Variants in UBAP1L observed in about 807,000 individuals in gnomAD.
The protein encoded by UBAP1L is ubiquitin associated protein 1 like.
UBAP1L carries 32 observed loss-of-function variants against 32.1 expected under a neutral mutation model. The ratio of observed to expected loss-of-function variants is 1.00; its 90% confidence interval spans 0.75 to 1.34. The LOEUF (loss-of-function observed/expected upper bound fraction) is 1.34. Ranked by LOEUF, UBAP1L falls within the 40% of genes most tolerant of loss-of-function variation. UBAP1L has a pLI of 0.00. For synonymous variants in UBAP1L, 243 were observed against 250.2 expected, an observed-to-expected ratio of 0.97 and a Z score of 0.27; for missense variants, 516 against 540.5, an observed-to-expected ratio of 0.95 and a Z score of 0.45.
chr15:65,099,734 G>C lies in UBAP1L; in HGVS notation c.700-20C>G. On this transcript the variant is annotated intron_variant, in intron 3 of 5. Coordinates refer to ENST00000559089, the MANE Select transcript of UBAP1L (RefSeq NM_001163692.2). ...GAGGGACTGAAATACAGACAGACTG[G>C]ACATGTCAGTTACTACAGGAAGTGA... 1 of 1,531,866 alleles carries C rather than the reference G, an allele frequency of 6.5e-7. No individual in the cohort carries two copies. Among genetic ancestry groups the C allele is most frequent in the Non-Finnish European group, 8.8e-7 (1 of 1,133,886 alleles). 94.9% of individuals were successfully genotyped at this position (1,531,866 alleles called of 1,614,324 possible).
Position 65,109,724 on chromosome 15 carries a change from T to A in UBAP1L, c.-173-3336A>T, listed in dbSNP as rs2087355718. ...AGCCAATATGATAAGTTGTTTAACT[T>A]CATTAGTCATCAGGGGAATGCAAAA... On this transcript the variant is annotated intron_variant, in intron 1 of 5. Transcript: ENST00000559089. 2.0e-5 allele frequency among the ~76,000 whole-genome samples: 3 copies of A among 152,198 alleles called. No homozygotes were observed. The South Asian group carries it at 6.2e-4, about 32-fold the overall frequency.
intron 1 of UBAP1L, among the ~76,000 whole-genome samples, chr15:65,110,889 C>G (rs766488161): frequency 6.6e-6 from 1 of 152,028 alleles, no homozygotes; most frequent in Non-Finnish European, 1.5e-5. Flanking sequence ...GCCAGGATGA[C>G]GCAAAGCTCT....
chr15:65,099,825 G>T, intron 3 of UBAP1L, 111 bp from the exon 4 acceptor site: 1 of 902,798 alleles, frequency 1.1e-6, no homozygotes, highest in Non-Finnish European at 1.7e-6. Flanking sequence ...GAGTGTAGGG[G>T]CTAATATTAT....
At chr15:65,106,436 A>G (rs2087313015) in intron 1 of UBAP1L, 48 bp from the exon 2 acceptor site, 1 of 466,440 alleles carries the variant, frequency 2.1e-6, no homozygotes, top group South Asian at 4.0e-5. Flanking sequence ...TCACACGGAC[A>G]GAAATTCACT....
chr15:65,102,161 C>A lies in UBAP1L; in HGVS notation c.644G>T (p.Arg215Leu), dbSNP rs2087247437. The A allele has an allele frequency of 3.3e-6, 4 of 1,199,764 alleles. No individual in the cohort carries two copies. The highest frequency in any genetic ancestry group is 4.1e-6 in the Non-Finnish European group (4 of 966,588). 74.3% of individuals were successfully genotyped at this position (1,199,764 alleles called of 1,614,324 possible). A position where few individuals can be genotyped will look rare whatever the true frequency, so the allele number is the denominator to read the frequency against. The change falls in exon 3 of 6, where the codon CGG (arginine) becomes CTG (leucine). Residue 215 changes from arginine (R) to leucine (L), a missense_variant. Physicochemically the swap from Arg to Leu is moderately radical, Grantham distance 102 (BLOSUM62 -2). Transcript: ENST00000559089. The surrounding 1 kb of genome is among the most constrained non-coding windows in gnomAD (Gnocchi z 5.0). ...QHPAAPASPP[R>L]PSTAGAIPPL... The stretch of plus-strand genomic sequence containing the variant: ...GGGGATGGCGCCTGCCGTGGAGGGC[C>A]GCGGGGGCGACGCGGGGGCGGCGGG...
chr15:65,094,582 C>G lies in UBAP1L; in HGVS notation c.910-6G>C. 6.5e-7 allele frequency: 1 copy of G among 1,550,378 alleles called. No homozygotes were observed. Among genetic ancestry groups the G allele is most frequent in the South Asian group, 1.2e-5 (1 of 84,054 alleles). ...GCACTGAGGTAGCTGAGAAACTGGG[C>G]CGGAAGCGGGCAGAGAGGGAGGGAG... On this transcript the variant is annotated splice_polypyrimidine_tract_variant and splice_region_variant and intron_variant, in intron 4 of 5. Coordinates refer to ENST00000559089, the MANE Select transcript of UBAP1L (RefSeq NM_001163692.2). The surrounding 1 kb of genome is among the most constrained non-coding windows in gnomAD (Gnocchi z 4.2).
At chr15:65,101,635 C>T (rs1465768226) in intron 3 of UBAP1L, 2 of 152,594 alleles carry the variant, frequency 1.3e-5, no homozygotes, top group African/African-American at 2.4e-5. Flanking sequence ...CTTGATTGAG[C>T]CTCCAGCTCC....
chr15:65,104,199 C>G (rs1442915057), intron 2 of UBAP1L, among the ~76,000 whole-genome samples: 2 of 151,406 alleles, frequency 1.3e-5, no homozygotes, highest in East Asian at 3.9e-4. Flanking sequence ...TTGCAATGTG[C>G]CAAGATTGCA....
chr15:65,101,492 T>TCCCTCAACACCTGATCCC (rs1366305683), intron 3 of UBAP1L: 1 of 152,294 alleles, frequency 6.6e-6, no homozygotes, highest in Non-Finnish European at 1.5e-5. Flanking sequence ...GCCCTGACGC[T>TCCCTCAACACCTGATCCC]CCCTCAACAC....
Position 65,094,646 on chromosome 15 carries a change from G to A in UBAP1L, c.910-70C>T. The A allele has an allele frequency of 8.6e-7, 1 of 1,158,468 alleles. No individual in the cohort carries two copies. The highest frequency in any genetic ancestry group is 2.6e-5 in the East Asian group (1 of 39,124). The allele number at this position is 1,158,468 out of a possible 1,614,324, so 71.8% of individuals were successfully genotyped here. On this transcript the variant is annotated intron_variant, in intron 4 of 5. Transcript: ENST00000559089. This position sits in a 1 kb window ranked among gnomAD's most constrained non-coding sequence, Gnocchi z 4.2. ...GCCGGGGCAGCAGACAGGGCAGAGAGGCACTCCAAGGGCCTGAGCTGAGGG... is the reference window on the plus strand; with the variant it reads ...GCCGGGGCAGCAGACAGGGCAGAGAAGCACTCCAAGGGCCTGAGCTGAGGG...
intron 1 of UBAP1L, among the ~76,000 whole-genome samples, chr15:65,113,500 C>T (rs1303700628): frequency 6.6e-6 from 1 of 152,192 alleles, no homozygotes; most frequent in East Asian, 1.9e-4. Flanking sequence ...GTAATCCCAG[C>T]ACTTTGGGAG....
intron 4 of UBAP1L, chr15:65,096,098 G>C (rs756975279): frequency 1.3e-5 from 2 of 152,236 alleles, no homozygotes; most frequent in Non-Finnish European, 2.9e-5. Flanking sequence ...GCTTTTAGCT[G>C]TCTTGGTGGA....
chr15:65,094,332 G>A lies in UBAP1L; in HGVS notation c.1011+143C>T, dbSNP rs1181828704. The A allele has an allele frequency of 4.9e-6, 3 of 606,548 alleles. No individual in the cohort carries two copies. The highest frequency in any genetic ancestry group is 3.7e-5 in the African/African-American group (2 of 53,876). 37.6% of individuals were successfully genotyped at this position (606,548 alleles called of 1,614,324 possible). On this transcript the variant is annotated intron_variant, in intron 5 of 5. Transcript: ENST00000559089. This position sits in a 1 kb window ranked among gnomAD's most constrained non-coding sequence, Gnocchi z 4.2. ...CCTGGGCCATCTCCTCCTCAGAGCT[G>A]AGGAGTCAGGCAATCTCCCGACAGA... is the stretch of plus-strand genomic sequence containing the variant.
chr15:65,114,428 T>C (rs2087390023), intron 1 of UBAP1L, among the ~76,000 whole-genome samples: 1 of 152,196 alleles, frequency 6.6e-6, no homozygotes. Flanking sequence ...CCTCATTGCC[T>C]GTATTCTGTA....
chr15:65,110,461 T>C (rs974527818), intron 1 of UBAP1L, among the ~76,000 whole-genome samples: 1 of 149,398 alleles, frequency 6.7e-6, no homozygotes, highest in African/African-American at 2.5e-5. Flanking sequence ...GTGGATCACC[T>C]GAGGTCAGGA....
At position 65,099,400 on chromosome 15, in the gene UBAP1L, T is replaced by C; in HGVS notation, c.909+105A>G. The C allele has an allele frequency of 8.2e-6, 10 of 1,225,358 alleles. No homozygotes were observed. The East Asian group carries it at 1.0e-4, about 13-fold the overall frequency. The allele number at this position is 1,225,358 out of a possible 1,614,324, so 75.9% of individuals were successfully genotyped here. On this transcript the variant is annotated intron_variant, in intron 4 of 5. Coordinates refer to ENST00000559089, the MANE Select transcript of UBAP1L (RefSeq NM_001163692.2). ...GATGCTCCAGAGCTGTGGGGTTGGC[T>C]GATGCTGTTGTTGGGCCTATGTCAC...
chr15:65,112,384 T>C (rs555054819), intron 1 of UBAP1L, among the ~76,000 whole-genome samples: 3 of 151,942 alleles, frequency 2.0e-5, no homozygotes, highest in African/African-American at 7.2e-5. Flanking sequence ...AGGCCTGAGG[T>C]GGTGGAATGG....
At chr15:65,114,656 C>T (rs1305304737) in intron 1 of UBAP1L, among the ~76,000 whole-genome samples, 1 of 152,178 alleles carries the variant, frequency 6.6e-6, no homozygotes, top group African/African-American at 2.4e-5. Flanking sequence ...CACCTAACCA[C>T]AGTACCTGGA....
intron 2 of UBAP1L, among the ~76,000 whole-genome samples, chr15:65,105,228 A>C (rs943989891): frequency 6.6e-6 from 1 of 152,008 alleles, no homozygotes; most frequent in African/African-American, 2.4e-5. Context: ...TAATTGCAGC[A>C]CTTAGGGTGG....
Sources: gnomAD v4.1 joint callset for allele counts (sites outside exome capture counted in the v4.1 genomes callset) on GRCh38, gnomAD v4.1.1 for gene constraint, Gnocchi (gnomAD v3.1) non-coding constraint, MANE v1.5 for transcripts, NCBI Gene and HGNC (gene_info 2026-07-23, HGNC 2026-07-21) for gene names.